Variants in PRELID2 observed in about 807,000 individuals in gnomAD.
PRELID2 encodes the protein PRELI domain containing 2.
In PRELID2, 25 loss-of-function variants were observed where a neutral mutation model predicts 28.4. That is an observed-to-expected ratio of 0.88 (90% CI 0.64 to 1.23). The LOEUF (loss-of-function observed/expected upper bound fraction) is 1.23, where lower values mean the gene tolerates loss of function less well. PRELID2 is among the 50% of genes most tolerant of loss of function. The pLI, the probability that PRELID2 is intolerant of heterozygous loss-of-function variation, is 0.00. For synonymous variants in PRELID2, 76 were observed against 71.6 expected (o/e 1.06, Z -0.31); for missense variants, 201 against 214.4 (o/e 0.94, Z 0.39).
the PRELID2 span, among the ~76,000 whole-genome samples, chr5:145,318,645 A>T: frequency 6.6e-6 from 1 of 152,150 alleles, no homozygotes; most frequent in African/African-American, 2.4e-5. Flanking sequence ...GAGCATGCAG[A>T]TGGGCAGCTG....
the PRELID2 span, among the ~76,000 whole-genome samples, chr5:145,418,912 A>T: frequency 7.0e-6 from 1 of 143,234 alleles, no homozygotes; most frequent in Non-Finnish European, 1.5e-5. Flanking sequence ...CCAGAGTGTG[A>T]TATTCCCCTT....
the PRELID2 span, among the ~76,000 whole-genome samples, chr5:145,334,943 T>C: frequency 6.6e-6 from 1 of 152,170 alleles, no homozygotes; most frequent in East Asian, 1.9e-4. Context: ...TTGGTTATAA[T>C]ATATCTTGGT....
chr5:145,373,745 A>T, the PRELID2 span, among the ~76,000 whole-genome samples: 4 of 49,814 alleles, frequency 8.0e-5, no homozygotes, highest in Non-Finnish European at 1.1e-4. Flanking sequence ...CAACATATAT[A>T]ATATATATGA....
intron 1 of PRELID2, among the ~76,000 whole-genome samples, chr5:145,705,579 T>C (rs1228882181): frequency 6.6e-6 from 1 of 152,136 alleles, no homozygotes; most frequent in Admixed American, 6.5e-5. Context: ...TGTTTATCAA[T>C]AACCAAATAG....
intron 1 of PRELID2, among the ~76,000 whole-genome samples, chr5:145,746,342 CA>C (rs1167113940): frequency 3.3e-5 from 5 of 151,676 alleles, no homozygotes; most frequent in East Asian, 3.9e-4. Context: ...AAATGGAAAG[CA>C]AAAAAACAAA....
chr5:145,256,726 C>A, the PRELID2 span, among the ~76,000 whole-genome samples: 2 of 151,766 alleles, frequency 1.3e-5, no homozygotes, highest in East Asian at 3.9e-4. Flanking sequence ...TTTAAAAATT[C>A]TTTAAAGTAG....
chr5:145,470,001 GA>G (rs1440781574), downstream of PRELID2, among the ~76,000 whole-genome samples: 3 of 152,104 alleles, frequency 2.0e-5, no homozygotes, highest in African/African-American at 7.2e-5. Flanking sequence ...ATTTGTGAAT[GA>G]AAATAATGAA....
At chr5:145,373,361 ATG>A in the PRELID2 span, among the ~76,000 whole-genome samples, 1 of 66,612 alleles carries the variant, frequency 1.5e-5, no homozygotes, top group Non-Finnish European at 2.7e-5. Context: ...TATAATATAT[ATG>A]ATATTATATA....
chr5:145,255,978 GACATT>G, the PRELID2 span, among the ~76,000 whole-genome samples: 3 of 151,870 alleles, frequency 2.0e-5, 1 homozygote, highest in African/African-American at 4.8e-5. Context: ...CTTGGTAAGA[GACATT>G]ACATTAGTTT....
At chr5:145,253,562 A>T in the PRELID2 span, among the ~76,000 whole-genome samples, 6 of 151,986 alleles carry the variant, frequency 3.9e-5, no homozygotes, top group Non-Finnish European at 7.4e-5. Flanking sequence ...CTCTCATAAG[A>T]ATCCCTGCAA....
the PRELID2 span, among the ~76,000 whole-genome samples, chr5:145,384,914 A>G: frequency 6.6e-6 from 1 of 152,132 alleles, no homozygotes; most frequent in African/African-American, 2.4e-5. Flanking sequence ...ACCTCCCACC[A>G]GGCCCCACCT....
intron 1 of PRELID2, among the ~76,000 whole-genome samples, chr5:145,637,810 CTT>C (rs547110066): frequency 1.1e-3 from 142 of 130,684 alleles, no homozygotes; most frequent in African/African-American, 3.2e-3. Context: ...CAAAACCATT[CTT>C]TTTTTTTTTT....
chr5:145,819,540 C>A (rs1754612697), intron 3 of PRELID2: 1 of 618,786 alleles, frequency 1.6e-6, no homozygotes. Flanking sequence ...TAACTGTTAT[C>A]TCTGATAGTG....
intron 1 of PRELID2, among the ~76,000 whole-genome samples, chr5:145,642,034 A>G (rs529425133): frequency 7.9e-5 from 12 of 152,342 alleles, no homozygotes; most frequent in African/African-American, 2.6e-4. Context: ...ATATTCAGAA[A>G]TGGGATGGCT....
intron 1 of PRELID2, among the ~76,000 whole-genome samples, chr5:145,473,624 A>G (rs1449884764): frequency 6.6e-6 from 1 of 152,168 alleles, no homozygotes; most frequent in Non-Finnish European, 1.5e-5. Flanking sequence ...ATTATTATAT[A>G]TCTTCAAAGA....
chr5:145,377,784 A>G, the PRELID2 span, among the ~76,000 whole-genome samples: 3 of 152,098 alleles, frequency 2.0e-5, no homozygotes, highest in Non-Finnish European at 4.4e-5. Context: ...CAGCATACCA[A>G]TGGGTCTTGG....
At chr5:145,574,300 C>T (rs1753041466) in intron 1 of PRELID2, among the ~76,000 whole-genome samples, 1 of 152,210 alleles carries the variant, frequency 6.6e-6, no homozygotes, top group South Asian at 2.1e-4. Context: ...ATTAATGCAA[C>T]TCTGCTGATA....
At chr5:145,230,524 A>G in the PRELID2 span, among the ~76,000 whole-genome samples, 1 of 152,160 alleles carries the variant, frequency 6.6e-6, no homozygotes, top group Non-Finnish European at 1.5e-5. Context: ...GGTTGCAGTG[A>G]GCTGAGATTA....
intron 1 of PRELID2, among the ~76,000 whole-genome samples, chr5:145,741,017 A>G (rs1362707291): frequency 8.5e-6 from 1 of 117,238 alleles, no homozygotes; most frequent in African/African-American, 3.4e-5. Context: ...TTTGTATACA[A>G]ATAAAATATA....
Sources: allele counts gnomAD v4.1 joint callset (sites outside exome capture counted in the v4.1 genomes callset), GRCh38; gene constraint gnomAD v4.1.1; transcripts MANE v1.5; gene names NCBI Gene and HGNC (gene_info 2026-07-23, HGNC 2026-07-21).